Variants in AFF3 observed in about 807,000 individuals in gnomAD.
AFF3 encodes the protein AF4/FMR2 family member 3.
AFF3 carries 32 observed loss-of-function variants against 129.7 expected under a neutral mutation model. That is an observed-to-expected ratio of 0.25 (90% CI 0.19 to 0.33). AFF3 has a LOEUF of 0.33. Ranked by LOEUF, AFF3 falls within the 10% of genes least tolerant of loss-of-function variation. AFF3 has a pLI of 1.00. For synonymous variants in AFF3, 644 were observed against 635.4 expected (o/e 1.01, Z -0.20); for missense variants, 1,373 against 1,592.0 (o/e 0.86, Z 2.34).
At position 99,844,866 on chromosome 2, in the gene AFF3, C is replaced by T. The variant is rs114660700; in HGVS notation, c.874-7342G>A. On this transcript the variant is annotated intron_variant, in intron 7 of 24. Coordinates refer to ENST00000672756, the MANE Select transcript of AFF3 (RefSeq NM_001386135.1). Reference sequence around the variant, plus strand: ...CAGTGGATGTGCTGCCTCTCATTTACGTGTTTCTGACCAGTTCCTAGCAGA... The same window carrying T: ...CAGTGGATGTGCTGCCTCTCATTTATGTGTTTCTGACCAGTTCCTAGCAGA... Among the ~76,000 whole-genome samples the T allele has an allele frequency of 3.2e-3, 493 of 152,124 alleles. 4 individuals are homozygous for T. The highest frequency in any genetic ancestry group is 0.011 in the African/African-American group (465 of 41,490).
intron 16 of AFF3, among the ~76,000 whole-genome samples, chr2:99,583,224 G>A (rs1404887533): frequency 6.6e-6 from 1 of 152,084 alleles, no homozygotes; most frequent in Non-Finnish European, 1.5e-5. Context: ...AGTAATTCTG[G>A]AGCCAGCACC....
intron 11 of AFF3, among the ~76,000 whole-genome samples, chr2:99,677,448 GA>G (rs1396720142): frequency 6.6e-6 from 1 of 152,114 alleles, no homozygotes; most frequent in African/African-American, 2.4e-5. Context: ...ACAGAAGCAA[GA>G]TTTTTTTTAA....
chr2:99,926,392 G>A (rs78651840), intron 7 of AFF3, among the ~76,000 whole-genome samples: 3,930 of 152,212 alleles, frequency 0.026, 162 homozygotes, highest in African/African-American at 0.088. Context: ...GGTTCTTTAC[G>A]CTTCTCATTT....
intron 4 of AFF3, among the ~76,000 whole-genome samples, chr2:100,046,631 C>T (rs1003596506): frequency 4.6e-5 from 7 of 152,146 alleles, no homozygotes; most frequent in Non-Finnish European, 1.0e-4. Flanking sequence ...TAAAAAGTCA[C>T]GTCATGTTTG....
chr2:99,672,175 TTCTCAC>T lies in AFF3; in HGVS notation c.1143+357_1143+362del, dbSNP rs1373939063. ...TTTGATCTCCAGAAGGCCAGTTAGC[TTCTCAC>T]ACACACACACACACACACACACACA... On this transcript the variant is annotated intron_variant, in intron 12 of 24. Transcript: ENST00000672756. Among the ~76,000 whole-genome samples, 777 of 139,578 alleles carry T rather than the reference TTCTCAC, an allele frequency of 5.6e-3. 14 individuals carry two copies. Among genetic ancestry groups the T allele is most frequent in the Admixed American group, 0.037 (505 of 13,784 alleles). The allele number at this position is 139,578 out of a possible 152,430, so 91.6% of individuals were successfully genotyped here.
chr2:99,637,457 T>A (rs2105457716), intron 13 of AFF3, among the ~76,000 whole-genome samples: 1 of 152,282 alleles, frequency 6.6e-6, no homozygotes, highest in African/African-American at 2.4e-5. Context: ...GTCACATATA[T>A]CATTTGTTGC....
At chr2:99,996,718 G>A (rs1680877259) in intron 7 of AFF3, among the ~76,000 whole-genome samples, 3 of 152,036 alleles carry the variant, frequency 2.0e-5, no homozygotes, top group South Asian at 4.2e-4. Flanking sequence ...TTTTTATAAC[G>A]AAGACCTGTT....
At position 99,551,153 on chromosome 2, in the gene AFF3, G is replaced by GGTGTGTGT; in HGVS notation, c.*313_*320dup. Reference sequence around the variant, plus strand: ...TGTCTGTGATTGTGTGTGAGTGTACGGTGTGTGTGTGTGTGTGTGTGTGTG... The same window carrying GGTGTGTGT: ...TGTCTGTGATTGTGTGTGAGTGTACGGTGTGTGTGTGTGTGTGTGTGTGTGTGTGTGTG... On this transcript the variant is annotated 3_prime_UTR_variant, in exon 25 of 25. Coordinates refer to ENST00000672756, the MANE Select transcript of AFF3 (RefSeq NM_001386135.1). The GGTGTGTGT allele has an allele frequency of 2.3e-6, 1 of 438,200 alleles. No individual in the cohort carries two copies. Among genetic ancestry groups the GGTGTGTGT allele is most frequent in the Non-Finnish European group, 4.0e-6 (1 of 247,520 alleles). 27.1% of individuals were successfully genotyped at this position (438,200 alleles called of 1,614,324 possible).
At chr2:99,558,784 C>T (rs1675193788) in intron 22 of AFF3, 91 bp downstream of exon 22, 1 of 1,308,018 alleles carries the variant, frequency 7.6e-7, no homozygotes, top group South Asian at 1.3e-5. Flanking sequence ...TGCATTAACC[C>T]CAAAGCAATG....
At chr2:100,032,737 T>A (rs1405134358) in intron 4 of AFF3, among the ~76,000 whole-genome samples, 2 of 152,210 alleles carry the variant, frequency 1.3e-5, no homozygotes, top group Non-Finnish European at 1.5e-5. Flanking sequence ...TGTCTTCATA[T>A]ATGCTTGGTT....
chr2:99,561,917 T>A (rs1675515426), intron 20 of AFF3, among the ~76,000 whole-genome samples: 2 of 152,236 alleles, frequency 1.3e-5, no homozygotes, highest in African/African-American at 4.8e-5. Flanking sequence ...CCCTTCATTC[T>A]TGAAGAATAG....
chr2:99,923,656 T>C (rs776597942), intron 7 of AFF3, among the ~76,000 whole-genome samples: 5 of 152,288 alleles, frequency 3.3e-5, no homozygotes, highest in Non-Finnish European at 7.4e-5. Flanking sequence ...CAAATGAACA[T>C]ATTGTTCGTT....
At chr2:99,856,461 G>A (rs1321633914) in intron 7 of AFF3, among the ~76,000 whole-genome samples, 1 of 152,080 alleles carries the variant, frequency 6.6e-6, no homozygotes. Flanking sequence ...TAAAATTGGT[G>A]AATTTTATTA....
intron 13 of AFF3, among the ~76,000 whole-genome samples, chr2:99,615,260 C>T (rs780623749): frequency 6.6e-6 from 1 of 152,204 alleles, no homozygotes. Flanking sequence ...CAGGCTTGTC[C>T]GCTGTAAAAG....
Position 99,567,552 on chromosome 2 carries a change from G to A in AFF3, c.2982+1300C>T, listed in dbSNP as rs534500515. ...AGTGATGGGGCCGCAGAGAGGCTGG[G>A]AAGGCCACAGGGAGGAGACTGAATA... On this transcript the variant is annotated intron_variant, in intron 19 of 24. Coordinates refer to ENST00000672756, the MANE Select transcript of AFF3 (RefSeq NM_001386135.1). Among the ~76,000 whole-genome samples the A allele has an allele frequency of 3.9e-5, 6 of 152,310 alleles. No individual in the cohort carries two copies. The South Asian group carries it at 1.2e-3, about 32-fold the overall frequency.
At chr2:99,683,113 C>T (rs1403045053) in intron 11 of AFF3, among the ~76,000 whole-genome samples, 1 of 152,162 alleles carries the variant, frequency 6.6e-6, no homozygotes, top group Non-Finnish European at 1.5e-5. Flanking sequence ...TTCTCTTCTC[C>T]AGATCAAACT....
chr2:99,704,099 C>T (rs1174561240), intron 11 of AFF3, among the ~76,000 whole-genome samples: 1 of 152,184 alleles, frequency 6.6e-6, no homozygotes, highest in African/African-American at 2.4e-5. Flanking sequence ...CTTCCACATG[C>T]ACTGACCAGC....
chr2:99,565,819 G>C (rs959647279), intron 19 of AFF3, among the ~76,000 whole-genome samples, 196 bp from the exon 20 acceptor site: 1 of 152,124 alleles, frequency 6.6e-6, no homozygotes, highest in Non-Finnish European at 1.5e-5. Context: ...GTAAGTGAGC[G>C]AACAGTTATA....
chr2:99,856,855 A>G (rs781204007), intron 7 of AFF3, among the ~76,000 whole-genome samples: 5 of 152,106 alleles, frequency 3.3e-5, no homozygotes, highest in Admixed American at 2.0e-4. Flanking sequence ...TTTTGGAGAC[A>G]GTTTGGAAGA....
Sources: gnomAD v4.1 joint callset for allele counts (sites outside exome capture counted in the v4.1 genomes callset) on GRCh38, gnomAD v4.1.1 for gene constraint, MANE v1.5 for transcripts, NCBI Gene and HGNC (gene_info 2026-07-23, HGNC 2026-07-21) for gene names.